PCCA: variants seen among roughly 807,000 people sequenced by gnomAD.
PCCA encodes propionyl-CoA carboxylase alpha chain, mitochondrial.
Under a neutral mutation model 101.3 loss-of-function variants are expected in PCCA, and 74 were observed. The observed-to-expected ratio is 0.73, with a 90% CI of 0.61 to 0.89. PCCA has a LOEUF of 0.89. PCCA is among the 40% of genes least tolerant of loss of function. The probability of loss-of-function intolerance (pLI) is 0.00; values close to 1 mark genes in which losing one functional copy is unlikely to be tolerated. For missense variants in PCCA, 891 were observed against 907.0 expected (o/e 0.98, Z 0.23); for synonymous variants, 294 against 313.6 (o/e 0.94, Z 0.66).
chr13:100,416,668 A>G (rs1292793316), intron 19 of PCCA, among the ~76,000 whole-genome samples: 2 of 151,088 alleles, frequency 1.3e-5, no homozygotes, highest in African/African-American at 4.9e-5. Context: ...GGGATTACAG[A>G]CACTCGCCAC....
intron 17 of PCCA, among the ~76,000 whole-genome samples, chr13:100,334,472 G>C (rs751177941): frequency 2.0e-5 from 3 of 152,184 alleles, no homozygotes; most frequent in Non-Finnish European, 2.9e-5. Context: ...TAGGGAGGAA[G>C]ACCTAGAAGA....
At chr13:100,236,464 C>T (rs9585384) in intron 8 of PCCA, 28,276 of 151,942 alleles carry the variant, frequency 0.19, 2,988 homozygotes, top group African/African-American at 0.28. Flanking sequence ...TCTTTTCTTT[C>T]CTTTTTTTTT....
chr13:100,514,723 C>T (rs534626150), intron 21 of PCCA, among the ~76,000 whole-genome samples: 2 of 152,170 alleles, frequency 1.3e-5, no homozygotes, highest in African/African-American at 4.8e-5. Flanking sequence ...CTTGTCTGTG[C>T]GTATTTTCCA....
At chr13:100,330,269 C>T (rs1411058819) in intron 16 of PCCA, among the ~76,000 whole-genome samples, 1 of 152,140 alleles carries the variant, frequency 6.6e-6, no homozygotes, top group Admixed American at 6.5e-5. Context: ...TGTGTTTGAG[C>T]CTAGTTTTAA....
intron 6 of PCCA, among the ~76,000 whole-genome samples, chr13:100,184,191 A>G (rs189516154): frequency 1.3e-3 from 205 of 152,256 alleles, no homozygotes; most frequent in Non-Finnish European, 2.3e-3. Flanking sequence ...TTATAACTAT[A>G]GTAGTTATTG....
At chr13:100,111,242 A>C (rs947104061) in intron 2 of PCCA, among the ~76,000 whole-genome samples, 4 of 130,342 alleles carry the variant, frequency 3.1e-5, no homozygotes, top group African/African-American at 1.2e-4. Context: ...CATATTGGTC[A>C]GGATGGTCTC....
At chr13:100,405,093 G>A (rs563102497) in intron 19 of PCCA, among the ~76,000 whole-genome samples, 11 of 152,216 alleles carry the variant, frequency 7.2e-5, no homozygotes, top group Non-Finnish European at 1.2e-4. Flanking sequence ...ACAAGGGAGA[G>A]GAAAGCATGT....
At chr13:100,303,598 TAATC>T (rs1219889699) in intron 14 of PCCA, among the ~76,000 whole-genome samples, 25 of 151,416 alleles carry the variant, frequency 1.7e-4, no homozygotes, top group African/African-American at 4.2e-4. Context: ...CCCTTTTTCT[TAATC>T]AAGGTAATAA....
chr13:100,223,852 A>G (rs1360893005), intron 7 of PCCA, among the ~76,000 whole-genome samples: 1 of 152,206 alleles, frequency 6.6e-6, no homozygotes. Context: ...CAGAGTAGCT[A>G]GATACAGAGT....
chr13:100,168,776 A>G (rs912708029), intron 6 of PCCA, among the ~76,000 whole-genome samples: 4 of 152,174 alleles, frequency 2.6e-5, no homozygotes, highest in African/African-American at 7.2e-5. Context: ...ACCAGGATTC[A>G]TTCTCTTCCT....
intron 4 of PCCA, among the ~76,000 whole-genome samples, chr13:100,113,073 A>G (rs1312504212): frequency 6.6e-6 from 1 of 152,216 alleles, no homozygotes; most frequent in Non-Finnish European, 1.5e-5. Context: ...TGACAGGGAT[A>G]TGTTCTGAGA....
chr13:100,174,748 A>G (rs907247104), intron 6 of PCCA, among the ~76,000 whole-genome samples: 1 of 151,596 alleles, frequency 6.6e-6, no homozygotes, highest in Non-Finnish European at 1.5e-5. Flanking sequence ...AAAAGAAAAA[A>G]AAAGAAAGAG....
chr13:100,455,698 C>T (rs1202975330), intron 21 of PCCA, among the ~76,000 whole-genome samples: 1 of 151,860 alleles, frequency 6.6e-6, no homozygotes, highest in Non-Finnish European at 1.5e-5. Flanking sequence ...CATATGCAAT[C>T]GTTTCTTTCT....
In PCCA at chr13:100,170,909, A is replaced by T. The variant is rs562186529; in HGVS notation, c.468+13569A>T. On this transcript the variant is annotated intron_variant, in intron 6 of 23. Transcript: ENST00000376285. ...GCCATAAAATAAGAGTGGGTGATAC[A>T]ATAGAGCATTGGTTCCCAGTATGTT... is the stretch of plus-strand genomic sequence containing the variant. 4.9e-4 allele frequency among the ~76,000 whole-genome samples: 74 copies of T among 152,354 alleles called. 1 individual carries two copies. The South Asian group carries it at 0.015, about 32-fold the overall frequency.
At chr13:100,245,676 A>G (rs1194963990) in intron 8 of PCCA, among the ~76,000 whole-genome samples, 1 of 152,196 alleles carries the variant, frequency 6.6e-6, no homozygotes, top group Non-Finnish European at 1.5e-5. Flanking sequence ...GGTGTTTACT[A>G]TTATATCTCA....
chr13:100,271,598 A>G (rs943878782), intron 11 of PCCA, among the ~76,000 whole-genome samples: 37 of 152,240 alleles, frequency 2.4e-4, no homozygotes, highest in Admixed American at 2.4e-3. Flanking sequence ...GTCTTAAGAT[A>G]CAAAAGCCAA....
At chr13:100,242,830 T>C (rs2061225865) in intron 8 of PCCA, among the ~76,000 whole-genome samples, 1 of 152,200 alleles carries the variant, frequency 6.6e-6, no homozygotes, top group Non-Finnish European at 1.5e-5. Flanking sequence ...TATATAAATT[T>C]TATTTTTCTT....
At chr13:100,110,496 C>T (rs533329968) in intron 2 of PCCA, among the ~76,000 whole-genome samples, 1 of 152,166 alleles carries the variant, frequency 6.6e-6, no homozygotes, top group Non-Finnish European at 1.5e-5. Flanking sequence ...GGGTTTAGGT[C>T]TCTAGATAAA....
At chr13:100,462,659 A>T (rs1475982956) in intron 21 of PCCA, among the ~76,000 whole-genome samples, 1 of 152,236 alleles carries the variant, frequency 6.6e-6, no homozygotes, top group East Asian at 1.9e-4. Context: ...AGGGAAAAGA[A>T]GAACTGTATT....
Sources: allele counts gnomAD v4.1 joint callset (sites outside exome capture counted in the v4.1 genomes callset), GRCh38; gene constraint gnomAD v4.1.1; transcripts MANE v1.5; gene names NCBI Gene and HGNC (gene_info 2026-07-23, HGNC 2026-07-21).